GREP1: variants seen among roughly 807,000 people sequenced by gnomAD.
GREP1 encodes the protein glycine-rich extracellular protein 1.
Position 2,996,465 on chromosome 16 carries a change from C to T in GREP1, c.677-31C>T, listed in dbSNP as rs967635036. 22 of 398,948 alleles carry T rather than the reference C, an allele frequency of 5.5e-5. 1 individual carries two copies. Among genetic ancestry groups the T allele is most frequent in the African/African-American group, 2.5e-4 (12 of 48,592 alleles). 24.7% of individuals were successfully genotyped at this position (398,948 alleles called of 1,614,324 possible). On this transcript the variant is annotated intron_variant, in intron 18 of 34. Coordinates refer to ENST00000573315, the Ensembl canonical transcript of GREP1. ...TCCTGACACCCCCTCCGAATGCCGCCGTCTCACACCCTCCCCGTCCCTCCC... is the reference window on the plus strand; with the variant it reads ...TCCTGACACCCCCTCCGAATGCCGCTGTCTCACACCCTCCCCGTCCCTCCC...
At chr16:2,996,914 G>A in intron 20 of GREP1, 139 bp from the exon 20 acceptor site, 1 of 399,304 alleles carries the variant, frequency 2.5e-6, no homozygotes, top group Non-Finnish European at 4.4e-6. Context: ...CAGTGGCTCA[G>A]CCTTACCACG....
Position 2,989,399 on chromosome 16 carries a change from C to T in GREP1, c.101-124C>T, listed in dbSNP as rs1596460881. The T allele has an allele frequency of 5.0e-6, 2 of 398,750 alleles. No individual in the cohort carries two copies. The highest frequency in any genetic ancestry group is 3.6e-5 in the East Asian group (1 of 28,076). The allele number at this position is 398,750 out of a possible 1,614,324, so 24.7% of individuals were successfully genotyped here. On this transcript the variant is annotated intron_variant, in intron 2 of 34. Coordinates refer to ENST00000573315, the Ensembl canonical transcript of GREP1. The surrounding 1 kb of genome is among the most constrained non-coding windows in gnomAD (Gnocchi z 4.2). ...TTCCCCTGCTTCCCCCTGAACCCCA[C>T]AGGCTTAGGGAGCCCAAATGGCTAC...
Position 2,989,012 on chromosome 16 carries a change from G to A in GREP1, c.100+390G>A. The A allele has an allele frequency of 4.0e-6, 1 of 250,228 alleles. No individual in the cohort carries two copies. Among genetic ancestry groups the A allele is most frequent in the Non-Finnish European group, 7.6e-6 (1 of 131,848 alleles). The allele number at this position is 250,228 out of a possible 1,614,324, so 15.5% of individuals were successfully genotyped here. ...GGAAGAGTCTTTACTTCAGGGACCTGGGGGGTCCTAAGGGTAGAAGGAGGG... is the reference window on the plus strand; with the variant it reads ...GGAAGAGTCTTTACTTCAGGGACCTAGGGGGTCCTAAGGGTAGAAGGAGGG... On this transcript the variant is annotated intron_variant, in intron 2 of 34. Coordinates refer to ENST00000573315, the Ensembl canonical transcript of GREP1. The surrounding 1 kb of genome is among the most constrained non-coding windows in gnomAD (Gnocchi z 4.2).
intron 17 of GREP1, 43 bp downstream of exon 17, chr16:2,995,814 C>T (rs1167131370): frequency 5.0e-6 from 2 of 398,466 alleles, no homozygotes; most frequent in Non-Finnish European, 8.8e-6. Flanking sequence ...TGCACGAACC[C>T]CTGAAGCCAT....
chr16:3,001,673 T>C, exon 35 of GREP1: 2 of 399,116 alleles, frequency 5.0e-6, no homozygotes, highest in Non-Finnish European at 4.4e-6. Context: ...GTCTCCTCCA[T>C]GCTAGAACCA....
intron 7 of GREP1, 124 bp from the exon 7 acceptor site, chr16:2,990,924 G>A (rs7202817): frequency 0.026 from 10,508 of 398,530 alleles, 926 homozygotes; most frequent in African/African-American, 0.19. Context: ...GGGCTGAGAA[G>A]CCCCAGAAGC....
At chr16:3,000,340 C>T (rs2072453562) in exon 30 of GREP1, 2 of 399,302 alleles carry the variant, frequency 5.0e-6, no homozygotes, top group South Asian at 2.5e-4. Context: ...TTCCCCGAGG[C>T]CCACCCACAG....
rs2072388070 is a variant in GREP1, at chr16:2,989,559, C to G, written c.130+7C>G. 2.5e-6 allele frequency: 1 copy of G among 399,542 alleles called. No homozygotes were observed. Among genetic ancestry groups the G allele is most frequent in the Non-Finnish European group, 4.4e-6 (1 of 226,610 alleles). The allele number at this position is 399,542 out of a possible 1,614,324, so 24.7% of individuals were successfully genotyped here. A position where few individuals can be genotyped will look rare whatever the true frequency, so the allele number is the denominator to read the frequency against. ...CACAGTGGCCTGGGAGCAGGTGAGG[C>G]CTGGCATAGGGAAGGGAGGCGTCTG... is the stretch of plus-strand genomic sequence containing the variant. On this transcript the variant is annotated splice_region_variant and intron_variant, in intron 3 of 34. Coordinates refer to ENST00000573315, the Ensembl canonical transcript of GREP1. The surrounding 1 kb of genome is among the most constrained non-coding windows in gnomAD (Gnocchi z 4.2).
chr16:2,990,985 G>C (rs2072396275), intron 7 of GREP1, 63 bp from the exon 7 acceptor site: 1 of 399,166 alleles, frequency 2.5e-6, no homozygotes, highest in Non-Finnish European at 4.4e-6. Context: ...CCCACCCTCT[G>C]TCTCTGTCTC....
Position 2,992,653 on chromosome 16 carries a change from TTGAC to T in GREP1, c.323-149_323-146del, listed in dbSNP as rs2072404951. 1 of 396,614 alleles carries T rather than the reference TTGAC, an allele frequency of 2.5e-6. No individual in the cohort carries two copies. The highest frequency in any genetic ancestry group is 4.4e-6 in the Non-Finnish European group (1 of 225,202). 24.6% of individuals were successfully genotyped at this position (396,614 alleles called of 1,614,324 possible). ...CCCGGGCCAAGAACCAAATCCAACT[TTGAC>T]TGCAGTCAGGCCTGGGAGGGAGTTC... is the stretch of plus-strand genomic sequence containing the variant. On this transcript the variant is annotated intron_variant, in intron 8 of 34. Transcript: ENST00000573315. The surrounding 1 kb of genome is among the most constrained non-coding windows in gnomAD (Gnocchi z 4.9).
intron 31 of GREP1, chr16:3,000,504 G>A (rs2072455004): frequency 5.0e-6 from 2 of 399,272 alleles, no homozygotes; most frequent in Non-Finnish European, 4.4e-6. Context: ...AGTGGAGTGG[G>A]GGAGACAACA....
At chr16:2,997,531 G>A (rs1028552088) in intron 22 of GREP1, 25 of 398,170 alleles carry the variant, frequency 6.3e-5, no homozygotes, top group Admixed American at 4.4e-5. Flanking sequence ...AGCCTTAGAC[G>A]GGGTAGAGTC....
chr16:3,000,292 G>C (rs1038193023), exon 30 of GREP1: 3 of 399,222 alleles, frequency 7.5e-6, no homozygotes, highest in Non-Finnish European at 1.3e-5. Flanking sequence ...TGTCCTGCAG[G>C]TTTAGGTTAT....
intron 13 of GREP1, 44 bp from the exon 15 acceptor site, chr16:2,995,240 T>C (rs890498336): frequency 2.5e-6 from 1 of 398,286 alleles, no homozygotes; most frequent in Non-Finnish European, 4.4e-6. Flanking sequence ...TGGATCTGAG[T>C]TGGGGGCTCC....
intron 10 of GREP1, chr16:2,994,495 G>T (rs1385776100): frequency 5.2e-6 from 2 of 383,236 alleles, no homozygotes; most frequent in African/African-American, 4.1e-5. Flanking sequence ...GGCAACAAGA[G>T]CGAGACTCCA....
At chr16:2,999,479 C>CTTTTTT (rs35368761) in intron 27 of GREP1, among the ~76,000 whole-genome samples, 10 of 75,536 alleles carry the variant, frequency 1.3e-4, no homozygotes, top group South Asian at 5.9e-4. Flanking sequence ...CCCTCTTGCT[C>CTTTTTT]TTTTTTTTTT....
At chr16:3,001,563 C>T (rs2072462313) in exon 35 of GREP1, 3 of 399,064 alleles carry the variant, frequency 7.5e-6, no homozygotes, top group African/African-American at 2.1e-5. Flanking sequence ...CTTCCCAGGC[C>T]GCTGCCCTCT....
At chr16:2,999,995 C>A (rs907207499) in intron 28 of GREP1, 52 bp downstream of exon 25, 8 of 399,034 alleles carry the variant, frequency 2.0e-5, no homozygotes, top group Middle Eastern at 6.2e-4. Context: ...CCTCTTCCCT[C>A]CTCTTCCTTC....
At chr16:2,997,281 C>A (rs975616158) in intron 21 of GREP1, 196 bp downstream of exon 20, 1 of 398,464 alleles carries the variant, frequency 2.5e-6, no homozygotes, top group Non-Finnish European at 4.4e-6. Flanking sequence ...GGAGAGGTGG[C>A]GCCAGGATCC....
Sources: allele counts gnomAD v4.1 joint callset (sites outside exome capture counted in the v4.1 genomes callset), GRCh38; gene constraint gnomAD v4.1.1; non-coding constraint Gnocchi (gnomAD v3.1); transcripts MANE v1.5; gene names NCBI Gene and HGNC (gene_info 2026-07-23, HGNC 2026-07-21).